EPHA3: variants seen among roughly 807,000 people sequenced by gnomAD.
EPHA3 encodes EPH receptor A3, also known as ephrin type-A receptor 3.
In EPHA3, 42 loss-of-function variants were observed where a neutral mutation model predicts 107.1. The observed-to-expected ratio is 0.39, with a 90% confidence interval of 0.31 to 0.51. The LOEUF is 0.51. Ranked by LOEUF, EPHA3 falls within the 20% of genes least tolerant of loss-of-function variation. The pLI, the probability that EPHA3 is intolerant of heterozygous loss-of-function variation, is 0.78. For missense variants in EPHA3, 1,183 were observed against 1,211.2 expected (o/e 0.98, Z 0.35); for synonymous variants, 461 against 424.8 (o/e 1.09, Z -1.05).
intron 3 of EPHA3, among the ~76,000 whole-genome samples, chr3:89,269,689 G>A (rs1038603015): frequency 6.7e-6 from 1 of 150,132 alleles, no homozygotes; most frequent in African/African-American, 2.5e-5. Context: ...GTGCCATGCT[G>A]GTGCGCTGCA....
chr3:89,260,395 T>A (rs1282117097), intron 3 of EPHA3, among the ~76,000 whole-genome samples: 1 of 152,194 alleles, frequency 6.6e-6, no homozygotes, highest in Non-Finnish European at 1.5e-5. Context: ...TGAAGTGATA[T>A]CTCATAGTGG....
intron 2 of EPHA3, among the ~76,000 whole-genome samples, chr3:89,130,826 C>T (rs1704193001): frequency 6.6e-6 from 1 of 151,958 alleles, no homozygotes; most frequent in Non-Finnish European, 1.5e-5. Context: ...TTAGTAGAGA[C>T]GGGGTTTCAC....
At chr3:89,353,674 C>A (rs1232022422) in intron 5 of EPHA3, among the ~76,000 whole-genome samples, 2 of 151,288 alleles carry the variant, frequency 1.3e-5, no homozygotes, top group African/African-American at 4.8e-5. Context: ...ATTAATGATG[C>A]CTCTCAGCCA....
At chr3:89,244,016 T>G (rs1213893429) in intron 3 of EPHA3, among the ~76,000 whole-genome samples, 2 of 152,162 alleles carry the variant, frequency 1.3e-5, no homozygotes, top group African/African-American at 2.4e-5. Flanking sequence ...AATACTTATA[T>G]TTATAATTTA....
At chr3:89,452,113 G>A (rs1376835038) in intron 15 of EPHA3, among the ~76,000 whole-genome samples, 1 of 152,072 alleles carries the variant, frequency 6.6e-6, no homozygotes, top group Non-Finnish European at 1.5e-5. Context: ...TCTGTCAGTG[G>A]ATACCTATGT....
intron 2 of EPHA3, among the ~76,000 whole-genome samples, chr3:89,196,701 G>A (rs763251961): frequency 2.6e-5 from 4 of 151,938 alleles, no homozygotes; most frequent in Non-Finnish European, 4.4e-5. Flanking sequence ...TATACATTTT[G>A]ACATAGTAGT....
intron 3 of EPHA3, among the ~76,000 whole-genome samples, chr3:89,216,819 A>T (rs1332600998): frequency 6.6e-6 from 1 of 152,146 alleles, no homozygotes; most frequent in African/African-American, 2.4e-5. Context: ...ACATGTAATG[A>T]TTCCAGAGAA....
intron 3 of EPHA3, among the ~76,000 whole-genome samples, chr3:89,310,667 A>C (rs185680153): frequency 6.6e-6 from 1 of 152,022 alleles, no homozygotes; most frequent in East Asian, 1.9e-4. Flanking sequence ...GATACTCTAT[A>C]TAGATGTCTA....
intron 3 of EPHA3, among the ~76,000 whole-genome samples, chr3:89,262,963 C>CTTTTTT (rs532365863): frequency 3.1e-5 from 3 of 97,472 alleles, no homozygotes; most frequent in Admixed American, 1.3e-4. Flanking sequence ...TTACAGCGCT[C>CTTTTTT]TTTTTTTTTT....
chr3:89,280,934 G>A (rs889864260), intron 3 of EPHA3, among the ~76,000 whole-genome samples: 10 of 151,686 alleles, frequency 6.6e-5, no homozygotes, highest in South Asian at 2.1e-4. Context: ...AATAATACTA[G>A]GTATTATTTA....
At chr3:89,466,116 G>T (rs1370085632) in intron 15 of EPHA3, among the ~76,000 whole-genome samples, 1 of 18,814 alleles carries the variant, frequency 5.3e-5, no homozygotes, top group Non-Finnish European at 1.1e-4. Context: ...TGCCCCTGCT[G>T]GGGGGTGCCT....
At chr3:89,346,855 C>A (rs1354531557) in intron 5 of EPHA3, among the ~76,000 whole-genome samples, 2 of 144,250 alleles carry the variant, frequency 1.4e-5, no homozygotes, top group Middle Eastern at 3.5e-3. Flanking sequence ...GTTTTGCCAG[C>A]ACCATTTATT....
intron 5 of EPHA3, among the ~76,000 whole-genome samples, chr3:89,389,868 T>C (rs1006662102): frequency 6.6e-6 from 1 of 152,230 alleles, no homozygotes; most frequent in South Asian, 2.1e-4. Context: ...TATTATTTTA[T>C]TGAGTGTAGT....
intron 15 of EPHA3, among the ~76,000 whole-genome samples, chr3:89,453,487 A>C (rs184965928): frequency 6.6e-6 from 1 of 152,128 alleles, no homozygotes; most frequent in Admixed American, 6.6e-5. Flanking sequence ...GTCATAAAAC[A>C]TAATTTTAGA....
chr3:89,470,449 C>G (rs533902050), intron 15 of EPHA3, among the ~76,000 whole-genome samples: 11 of 152,306 alleles, frequency 7.2e-5, no homozygotes, highest in Admixed American at 2.6e-4. Context: ...TGAGCCAGCA[C>G]TGTTCTAAGT....
intron 15 of EPHA3, among the ~76,000 whole-genome samples, chr3:89,460,309 A>G (rs1479614096): frequency 1.3e-5 from 2 of 148,730 alleles, no homozygotes; most frequent in African/African-American, 5.0e-5. Flanking sequence ...TAGATAATAC[A>G]TTCAAAATAT....
At chr3:89,219,333 TTG>T (rs1337205531) in intron 3 of EPHA3, among the ~76,000 whole-genome samples, 2 of 151,992 alleles carry the variant, frequency 1.3e-5, no homozygotes, top group African/African-American at 4.8e-5. Flanking sequence ...TCAGATAATT[TTG>T]TGTTTTTAGT....
rs1454244754 is a variant in EPHA3 at position 89,399,443 on chromosome 3, G to T, written c.1557G>T (p.Thr519=). 6.2e-7 allele frequency: 1 copy of T among 1,613,980 alleles called. No homozygotes were observed. The highest frequency in any genetic ancestry group is 8.5e-7 in the Non-Finnish European group (1 of 1,180,030). The change falls in exon 7 of 17, where the codon ACG becomes ACT. Residue 519 remains threonine, a synonymous_variant. Coordinates refer to ENST00000336596, the MANE Select transcript of EPHA3 (RefSeq NM_005233.6). ...CCCGAACAGCCGCTGGATATGGGACGAACAGCCGCAAGTTTGAGTTTGAAA... is the reference window on the plus strand; with the variant it reads ...CCCGAACAGCCGCTGGATATGGGACTAACAGCCGCAAGTTTGAGTTTGAAA... ...IRARTAAGYG[T]NSRKFEFETS... is the part of the protein sequence containing the mutation.
chr3:89,301,061 C>G (rs1234194341), intron 3 of EPHA3, among the ~76,000 whole-genome samples: 1 of 152,052 alleles, frequency 6.6e-6, no homozygotes, highest in African/African-American at 2.4e-5. Flanking sequence ...TTTCACTTTT[C>G]ATAGTGCTTG....
Sources: gnomAD v4.1 joint callset for allele counts (sites outside exome capture counted in the v4.1 genomes callset) on GRCh38, gnomAD v4.1.1 for gene constraint, MANE v1.5 for transcripts, NCBI Gene and HGNC (gene_info 2026-07-23, HGNC 2026-07-21) for gene names.